DCDC1: variants seen among roughly 807,000 people sequenced by gnomAD.
The protein encoded by DCDC1 is doublecortin domain containing 1.
A neutral mutation model predicts 178.3 loss-of-function variants in DCDC1; 200 were observed. The ratio of observed to expected loss-of-function variants is 1.12; its 90% CI spans 1.00 to 1.26. The LOEUF is 1.26. Among genes scored for constraint, DCDC1 ranks in the 50% most tolerant of loss-of-function variants. The probability of loss-of-function intolerance (pLI) is 0.00; values close to 1 mark genes in which losing one functional copy is unlikely to be tolerated. For synonymous variants in DCDC1, 690 were observed against 604.8 expected (o/e 1.14, Z -2.07); for missense variants, 1,983 against 1,749.2 (o/e 1.13, Z -2.38).
At chr11:31,208,190 G>A (rs1256620554) in intron 9 of DCDC1, among the ~76,000 whole-genome samples, 2 of 151,994 alleles carry the variant, frequency 1.3e-5, no homozygotes, top group East Asian at 1.9e-4. Flanking sequence ...ATTTCTGTCT[G>A]TTCAATTACC....
At chr11:31,154,798 AG>A (rs1449668145) in intron 9 of DCDC1, among the ~76,000 whole-genome samples, 1 of 152,170 alleles carries the variant, frequency 6.6e-6, no homozygotes, top group African/African-American at 2.4e-5. Context: ...AGGCTGTAAA[AG>A]GGAACCCTGG....
At chr11:31,169,231 T>C (rs1360742141) in intron 9 of DCDC1, among the ~76,000 whole-genome samples, 5 of 151,998 alleles carry the variant, frequency 3.3e-5, no homozygotes, top group African/African-American at 1.2e-4. Flanking sequence ...TGGGGCCTGT[T>C]GTGGGGTGGG....
chr11:31,355,079 G>T (rs1951269109), intron 1 of DCDC1, among the ~76,000 whole-genome samples: 1 of 152,098 alleles, frequency 6.6e-6, no homozygotes, highest in Non-Finnish European at 1.5e-5. Context: ...CTTTGTGAAT[G>T]AATTGAAAGG....
At chr11:31,109,587 A>C (rs1305558862) in intron 12 of DCDC1, among the ~76,000 whole-genome samples, 1 of 152,120 alleles carries the variant, frequency 6.6e-6, no homozygotes, top group Non-Finnish European at 1.5e-5. Context: ...TACCACCAGG[A>C]GAGGTAAGTC....
intron 18 of DCDC1, among the ~76,000 whole-genome samples, chr11:31,066,504 G>A (rs1212593039): frequency 6.6e-6 from 1 of 152,174 alleles, no homozygotes; most frequent in Non-Finnish European, 1.5e-5. Context: ...TTATGAGGGA[G>A]TGTTGAGTAG....
intron 20 of DCDC1, among the ~76,000 whole-genome samples, chr11:30,997,336 T>TAAAAC (rs748575955): frequency 1.3e-5 from 2 of 152,044 alleles, no homozygotes; most frequent in Non-Finnish European, 2.9e-5. Context: ...GTCTGCAAAG[T>TAAAAC]AAAACAAAAC....
intron 20 of DCDC1, among the ~76,000 whole-genome samples, chr11:30,968,711 T>TATATA (rs1949594817): frequency 2.3e-4 from 14 of 61,034 alleles, no homozygotes; most frequent in African/African-American, 9.4e-4. Context: ...ATATATCAAA[T>TATATA]TATATATATA....
intron 20 of DCDC1, among the ~76,000 whole-genome samples, chr11:31,045,197 T>G (rs1379027206): frequency 6.6e-6 from 1 of 152,132 alleles, no homozygotes; most frequent in East Asian, 1.9e-4. Context: ...CACACACATA[T>G]GCACACACCT....
intron 20 of DCDC1, among the ~76,000 whole-genome samples, chr11:31,047,833 A>G (rs1236417303): frequency 6.6e-6 from 1 of 152,212 alleles, no homozygotes; most frequent in Non-Finnish European, 1.5e-5. Context: ...TATAAAATTT[A>G]GCAGTGCACA....
chr11:31,253,249 GGCACTATAACATAGACTA>G, intron 8 of DCDC1, among the ~76,000 whole-genome samples: 1 of 152,106 alleles, frequency 6.6e-6, no homozygotes, highest in African/African-American at 2.4e-5. Context: ...CTATGTTTTA[GGCACTATAACATAGACTA>G]TTCTTACTAA....
chr11:30,913,341 G>A (rs273598), intron 27 of DCDC1, among the ~76,000 whole-genome samples: 17,896 of 151,868 alleles, frequency 0.12, 1,173 homozygotes, highest in Admixed American at 0.2. Flanking sequence ...CCCGGGAGGC[G>A]GAGCTTGCAG....
intron 20 of DCDC1, among the ~76,000 whole-genome samples, chr11:31,032,856 C>T (rs1002549857): frequency 2.0e-5 from 3 of 152,110 alleles, no homozygotes; most frequent in African/African-American, 7.2e-5. Flanking sequence ...TTGCAAGTAC[C>T]TCGGGACAAT....
At chr11:31,351,543 A>ATT (rs1951070542) in intron 1 of DCDC1, among the ~76,000 whole-genome samples, 1 of 152,160 alleles carries the variant, frequency 6.6e-6, no homozygotes, top group Admixed American at 6.5e-5. Flanking sequence ...GAGCAGGCTC[A>ATT]GAAAAGTTTG....
chr11:31,117,001 T>C (rs764784855), intron 11 of DCDC1, among the ~76,000 whole-genome samples: 27 of 152,124 alleles, frequency 1.8e-4, no homozygotes, highest in Non-Finnish European at 3.4e-4. Context: ...TGGCTGCCTA[T>C]AGGGTAGGAT....
chr11:31,041,465 T>A (rs1276580394), intron 20 of DCDC1, among the ~76,000 whole-genome samples: 1 of 152,320 alleles, frequency 6.6e-6, no homozygotes, highest in Non-Finnish European at 1.5e-5. Context: ...TTGATTTACT[T>A]AATCACATCA....
At chr11:31,086,437 T>C (rs1333049133) in intron 17 of DCDC1, among the ~76,000 whole-genome samples, 1 of 152,214 alleles carries the variant, frequency 6.6e-6, no homozygotes, top group Admixed American at 6.5e-5. Flanking sequence ...TTGAATTGTG[T>C]GTATGTATTT....
At position 30,984,606 on chromosome 11, in the gene DCDC1, T is replaced by C. The variant is rs116019184; in HGVS notation, c.2592-32038A>G. Among the ~76,000 whole-genome samples, 653 of 152,304 alleles carry C rather than the reference T, an allele frequency of 4.3e-3. 10 individuals carry two copies. Among genetic ancestry groups the C allele is most frequent in the African/African-American group, 0.015 (621 of 41,570 alleles). On this transcript the variant is annotated intron_variant, in intron 20 of 38. Coordinates refer to ENST00000684477, the MANE Select transcript of DCDC1 (RefSeq NM_001387274.1). ...TATTGTTCATAACCTGGACATTTCA[T>C]ATCCTCAAACAAAGGTGGGCGTAAC... is the stretch of plus-strand genomic sequence containing the variant.
intron 20 of DCDC1, among the ~76,000 whole-genome samples, chr11:31,039,935 G>T (rs991836712): frequency 2.6e-5 from 4 of 152,062 alleles, no homozygotes. Flanking sequence ...TATTTTTATT[G>T]AGGTGGCTAC....
intron 8 of DCDC1, among the ~76,000 whole-genome samples, chr11:31,248,881 A>G (rs189041312): frequency 5.0e-4 from 76 of 152,264 alleles, no homozygotes; most frequent in Non-Finnish European, 8.8e-4. Context: ...GTTCTTTTAC[A>G]TAACTGTTAA....
Sources: allele counts gnomAD v4.1 joint callset (sites outside exome capture counted in the v4.1 genomes callset), GRCh38; gene constraint gnomAD v4.1.1; transcripts MANE v1.5; gene names NCBI Gene and HGNC (gene_info 2026-07-23, HGNC 2026-07-21).